The following CABP1 variants were observed in gnomAD, a reference collection of about 807,000 sequenced individuals.
CABP1 encodes calcium-binding protein 1.
A neutral mutation model predicts 34.3 loss-of-function variants in CABP1; 17 were observed. The observed-to-expected ratio is 0.50, with a 90% confidence interval of 0.34 to 0.74. The LOEUF is 0.74. CABP1 is among the 30% of genes least tolerant of loss of function. CABP1 has a pLI of 0.01. For synonymous variants in CABP1, 198 were observed against 229.2 expected (o/e 0.86, Z 1.23); for missense variants, 373 against 511.1 (o/e 0.73, Z 2.61).
chr12:120,643,905 T>G (rs1218085885), intron 1 of CABP1, among the ~76,000 whole-genome samples: 1 of 152,258 alleles, frequency 6.6e-6, no homozygotes, highest in Non-Finnish European at 1.5e-5. Context: ...CAAGGCCTTC[T>G]TCCTTTTCAT....
chr12:120,662,810 G>A (rs1386431594), intron 5 of CABP1, among the ~76,000 whole-genome samples: 5 of 148,954 alleles, frequency 3.4e-5, no homozygotes, highest in East Asian at 2.0e-4. Flanking sequence ...TCAGCCTCCC[G>A]AATAGCTGGG....
At chr12:120,655,606 A>G in intron 1 of CABP1, 1 of 1,323,542 alleles carries the variant, frequency 7.6e-7, no homozygotes, top group Non-Finnish European at 9.6e-7. Context: ...TCCAGCGGGG[A>G]TCTGGCTGGA....
At chr12:120,644,229 G>A (rs191111040) in intron 1 of CABP1, among the ~76,000 whole-genome samples, 1 of 152,300 alleles carries the variant, frequency 6.6e-6, no homozygotes, top group Admixed American at 6.5e-5. Context: ...GTTATTAGGA[G>A]GCTTACACAA....
At chr12:120,662,684 CTTTTT>C (rs34243939) in intron 5 of CABP1, among the ~76,000 whole-genome samples, 5 of 127,196 alleles carry the variant, frequency 3.9e-5, no homozygotes, top group Non-Finnish European at 6.6e-5. Flanking sequence ...TTATCCTGTT[CTTTTT>C]TTTTTTTTTT....
chr12:120,661,179 G>A lies in CABP1; in HGVS notation c.1048G>A (p.Asp350Asn). 6.2e-7 allele frequency: 1 copy of A among 1,612,288 alleles called. No homozygotes were observed. The highest frequency in any genetic ancestry group is 8.5e-7 in the Non-Finnish European group (1 of 1,179,984). ...CCGAGACATAGAGGAAATTATCCGA[G>A]ATGTGGACCTCAATGGGGATGGACG... Reference protein sequence around the residue: ...GHRDIEEIIRDVDLNGDGRVD... With the variant: ...GHRDIEEIIRNVDLNGDGRVD... The change falls in exon 5 of 6, where the codon GAT (aspartate) becomes AAT (asparagine). Residue 350 changes from aspartate (D) to asparagine (N), a missense_variant. By Grantham distance (23) the Asp-to-Asn change is conservative. Coordinates refer to ENST00000316803, the MANE Select transcript of CABP1 (RefSeq NM_001033677.2). This position sits in a 1 kb window ranked among gnomAD's most constrained non-coding sequence, Gnocchi z 5.1.
In CABP1 at chr12:120,666,953, G is replaced by A; in HGVS notation, c.*53G>A. On this transcript the variant is annotated 3_prime_UTR_variant, in exon 6 of 6. Transcript: ENST00000316803. ...AAGCTCCCAAAGGCGGGGCTAAGAG[G>A]AGCTAGAGCTTGCCTCACCCGCTGT... 2 of 1,567,538 alleles carry A rather than the reference G, an allele frequency of 1.3e-6. No homozygotes were observed. The highest frequency in any genetic ancestry group is 1.3e-5 in the African/African-American group (1 of 74,532).
Position 120,661,759 on chromosome 12 carries a change from ATATC to A in CABP1, c.1087+547_1087+550del, listed in dbSNP as rs1247981556. 2 of 154,476 alleles carry A rather than the reference ATATC, an allele frequency of 1.3e-5. No individual in the cohort carries two copies. Among genetic ancestry groups the A allele is most frequent in the Non-Finnish European group, 1.4e-5 (1 of 69,598 alleles). 9.6% of individuals were successfully genotyped at this position (154,476 alleles called of 1,614,324 possible). On this transcript the variant is annotated intron_variant, in intron 5 of 5. Transcript: ENST00000316803. The surrounding 1 kb of genome is among the most constrained non-coding windows in gnomAD (Gnocchi z 5.1). ...TATTCATCTATCTGTCCATCTTTCCATATCTATCTCTCCATTTTTCATCTGTTTA... is the reference window on the plus strand; with the variant it reads ...TATTCATCTATCTGTCCATCTTTCCATATCTCTCCATTTTTCATCTGTTTA...
At position 120,660,995 on chromosome 12, in the gene CABP1, A is replaced by G; in HGVS notation, c.940-76A>G. 1.3e-6 allele frequency: 2 copies of G among 1,534,596 alleles called. No homozygotes were observed. Among genetic ancestry groups the G allele is most frequent in the Non-Finnish European group, 8.9e-7 (1 of 1,122,908 alleles). On this transcript the variant is annotated intron_variant, in intron 4 of 5. Coordinates refer to ENST00000316803, the MANE Select transcript of CABP1 (RefSeq NM_001033677.2). This position sits in a 1 kb window ranked among gnomAD's most constrained non-coding sequence, Gnocchi z 5.0. ...TAAAGGGGGGCAATGACACTGGAGA[A>G]GGAGCTCAACTTTGGGATCTGCTGC...
chr12:120,657,917 G>A (rs1281512781), intron 1 of CABP1, among the ~76,000 whole-genome samples: 3 of 152,160 alleles, frequency 2.0e-5, no homozygotes, highest in Non-Finnish European at 2.9e-5. Flanking sequence ...GTCCTAGGGC[G>A]TGTGCTCTGC....
chr12:120,650,617 G>C lies in CABP1; in HGVS notation c.655-9261G>C, dbSNP rs777519507. The C allele has an allele frequency of 1.9e-6, 3 of 1,613,936 alleles. No homozygotes were observed. In the South Asian group the frequency reaches 3.3e-5, roughly 18 times the overall value. On this transcript the variant is annotated intron_variant, in intron 1 of 5. Transcript: ENST00000316803. Reference sequence around the variant, plus strand: ...TCCTTCATGGACCCGGGGATCCCAAGAGGGGCTGCCTCAACTTAGGATGGG... The same window carrying C: ...TCCTTCATGGACCCGGGGATCCCAACAGGGGCTGCCTCAACTTAGGATGGG...
At chr12:120,680,157 A>G in the CABP1 span, among the ~76,000 whole-genome samples, 1 of 152,246 alleles carries the variant, frequency 6.6e-6, no homozygotes, top group Non-Finnish European at 1.5e-5. Flanking sequence ...TGGGCAACAG[A>G]GTAAGACTCT....
In CABP1 at chr12:120,666,884, G is replaced by A. The variant is rs1592898879; in HGVS notation, c.1097G>A (p.Arg366Gln). The change falls in exon 6 of 6, where the codon CGG becomes CAG. Residue 366 changes from arginine (R) to glutamine (Q), a missense_variant. Around this residue, in one of 4 missense-constraint regions of CABP1, gnomAD observed 109 missense variants for 204.8 expected, o/e 0.53. Coordinates refer to ENST00000316803, the MANE Select transcript of CABP1 (RefSeq NM_001033677.2). The stretch of plus-strand genomic sequence containing the variant: ...TCCTCTACCCTTCTAGAGTTTGTCC[G>A]GATGATGTCCCGCTGAGGCCGCGAG... ...DGRVDFEEFV[R>Q]MMSR 1.9e-6 allele frequency: 3 copies of A among 1,606,570 alleles called. No individual in the cohort carries two copies. Among genetic ancestry groups the A allele is most frequent in the Non-Finnish European group, 8.5e-7 (1 of 1,178,840 alleles).
At chr12:120,659,974 G>T in intron 2 of CABP1, 66 bp downstream of exon 2, 1 of 1,525,572 alleles carries the variant, frequency 6.6e-7, no homozygotes, top group Non-Finnish European at 9.0e-7. Context: ...AAGGGAGGTT[G>T]ATGGGAAGAG....
downstream of CABP1, among the ~76,000 whole-genome samples, chr12:120,668,346 C>G (rs1346069990): frequency 2.0e-5 from 3 of 152,148 alleles, no homozygotes; most frequent in Admixed American, 6.6e-5. Flanking sequence ...GAAAAATTAG[C>G]CGGGCGTGGT....
At chr12:120,646,112 GA>G (rs1026547283) in intron 1 of CABP1, among the ~76,000 whole-genome samples, 2 of 152,168 alleles carry the variant, frequency 1.3e-5, no homozygotes, top group African/African-American at 4.8e-5. Context: ...GCCTGCCTCC[GA>G]AAATACCTGC....
chr12:120,675,384 A>C, the CABP1 span, among the ~76,000 whole-genome samples: 2 of 152,150 alleles, frequency 1.3e-5, no homozygotes, highest in African/African-American at 4.8e-5. Flanking sequence ...TAAATTATCT[A>C]CCCTGTGGGG....
In CABP1 at chr12:120,641,341, TA is replaced by T. The variant is rs1238288887; in HGVS notation, c.654+4del. 1 of 1,288,364 alleles carries T rather than the reference TA, an allele frequency of 7.8e-7. No individual in the cohort carries two copies. Among genetic ancestry groups the T allele is most frequent in the Non-Finnish European group, 9.8e-7 (1 of 1,017,358 alleles). The allele number at this position is 1,288,364 out of a possible 1,614,324, so 79.8% of individuals were successfully genotyped here. A position where few individuals can be genotyped will look rare whatever the true frequency, so the allele number is the denominator to read the frequency against. On this transcript the variant is annotated splice_donor_region_variant and intron_variant, in intron 1 of 5. Transcript: ENST00000316803. This position sits in a 1 kb window ranked among gnomAD's most constrained non-coding sequence, Gnocchi z 6.7. ...ATGCTCAGCTCCGCCTTTGGCCAGG[TA>T]AGGGCCGCGCCTCCCGTCAGCGCTC...
At chr12:120,658,993 A>C (rs1205723981) in intron 1 of CABP1, 2 of 152,156 alleles carry the variant, frequency 1.3e-5, no homozygotes, top group Non-Finnish European at 2.9e-5. Context: ...CAGCTCACCA[A>C]CCTGAGCTTC....
intron 1 of CABP1, among the ~76,000 whole-genome samples, chr12:120,648,895 A>AG (rs1285981785): frequency 4.0e-5 from 6 of 150,358 alleles, no homozygotes; most frequent in Admixed American, 2.0e-4. Context: ...AAAAAAAAAA[A>AG]GAAGCTGGCA....
Sources: gnomAD v4.1 joint callset for allele counts (sites outside exome capture counted in the v4.1 genomes callset) on GRCh38, gnomAD v4.1.1 for gene constraint, gnomAD v4.1.1 regional missense constraint, Gnocchi (gnomAD v3.1) non-coding constraint, MANE v1.5 for transcripts, NCBI Gene and HGNC (gene_info 2026-07-23, HGNC 2026-07-21) for gene names.